SOS2: variants seen among roughly 807,000 people sequenced by gnomAD.
SOS2 encodes SOS Ras/Rho guanine nucleotide exchange factor 2.
In SOS2, 65 loss-of-function variants were observed where a neutral mutation model predicts 148.2. That is an observed-to-expected ratio of 0.44 (90% CI 0.36 to 0.54). SOS2 has a LOEUF of 0.54. Among genes scored for constraint, SOS2 ranks in the 20% least tolerant of loss-of-function variants. The probability of loss-of-function intolerance (pLI) is 0.00; values close to 1 mark genes in which losing one functional copy is unlikely to be tolerated. For missense variants in SOS2, 1,341 were observed against 1,590.2 expected (o/e 0.84, Z 2.67); for synonymous variants, 539 against 537.1 (o/e 1.00, Z -0.05).
At chr14:50,193,174 C>A (rs2139754987) in intron 4 of SOS2, among the ~76,000 whole-genome samples, 1 of 151,942 alleles carries the variant, frequency 6.6e-6, no homozygotes, top group Non-Finnish European at 1.5e-5. Context: ...TTGCTATATT[C>A]CCCAGGGTAT....
chr14:50,150,371 C>T, intron 13 of SOS2, 141 bp from the exon 14 acceptor site: 1 of 637,518 alleles, frequency 1.6e-6, no homozygotes, highest in Admixed American at 2.7e-5. Flanking sequence ...CTACTCATGC[C>T]ATCCCGTCAC....
chr14:50,131,823 AG>A (rs1883883583), intron 19 of SOS2, among the ~76,000 whole-genome samples: 1 of 152,208 alleles, frequency 6.6e-6, no homozygotes, highest in African/African-American at 2.4e-5. Context: ...TGGAAGGTAA[AG>A]CCAATGGCGG....
intron 18 of SOS2, 56 bp from the exon 19 acceptor site, chr14:50,134,295 T>C (rs893527499): frequency 1.3e-5 from 11 of 823,062 alleles, no homozygotes; most frequent in African/African-American, 7.0e-5. Flanking sequence ...TTTTAGATCT[T>C]ATTAAAATAA....
chr14:50,138,494 A>G (rs1594964777), intron 18 of SOS2, 118 bp downstream of exon 18: 1 of 471,312 alleles, frequency 2.1e-6, no homozygotes, highest in African/African-American at 2.0e-5. Flanking sequence ...CAATTAAATT[A>G]TTATGGACTG....
chr14:50,204,035 G>A (rs1222493699), intron 2 of SOS2, among the ~76,000 whole-genome samples: 1 of 151,420 alleles, frequency 6.6e-6, no homozygotes, highest in African/African-American at 2.4e-5. Context: ...TTTTGTCTAC[G>A]GCATGAGATA....
At chr14:50,188,100 T>TACA (rs1885980929) in intron 5 of SOS2, among the ~76,000 whole-genome samples, 1 of 152,164 alleles carries the variant, frequency 6.6e-6, no homozygotes, top group Non-Finnish European at 1.5e-5. Flanking sequence ...ACTCATAAAG[T>TACA]ATTTAAAGTT....
intron 1 of SOS2, among the ~76,000 whole-genome samples, chr14:50,211,644 G>C (rs1040626536): frequency 6.0e-5 from 9 of 150,660 alleles, no homozygotes; most frequent in Non-Finnish European, 8.8e-5. Flanking sequence ...AGATTTTTGA[G>C]ACAGGTTCTC....
intron 8 of SOS2, among the ~76,000 whole-genome samples, chr14:50,168,670 G>A (rs996453086): frequency 6.6e-6 from 1 of 152,002 alleles, no homozygotes; most frequent in Admixed American, 6.6e-5. Context: ...CCATTCTATA[G>A]AATGCCGTTT....
chr14:50,130,040 A>T, intron 20 of SOS2, 38 bp from the exon 21 acceptor site: 3 of 1,281,500 alleles, frequency 2.3e-6, no homozygotes, highest in Non-Finnish European at 3.4e-6. Flanking sequence ...AAAGGAAGGT[A>T]ACATGTAGGT....
intron 4 of SOS2, 123 bp from the exon 5 acceptor site, chr14:50,188,823 G>A (rs1055009943): frequency 1.5e-6 from 1 of 670,200 alleles, no homozygotes; most frequent in Non-Finnish European, 2.4e-6. Flanking sequence ...AGCACTTTGG[G>A]AGGCCAAGGC....
At chr14:50,158,477 T>C in intron 11 of SOS2, 88 bp downstream of exon 11, 1 of 690,908 alleles carries the variant, frequency 1.4e-6, no homozygotes. Context: ...ATAATTAACT[T>C]GAGTATTTAT....
chr14:50,150,955 C>T (rs1323558718), intron 13 of SOS2, among the ~76,000 whole-genome samples: 1 of 152,010 alleles, frequency 6.6e-6, no homozygotes, highest in Non-Finnish European at 1.5e-5. Context: ...GAACTCCTGA[C>T]CTCGTGATCT....
At chr14:50,189,768 T>C (rs1886062772) in intron 4 of SOS2, among the ~76,000 whole-genome samples, 1 of 152,200 alleles carries the variant, frequency 6.6e-6, no homozygotes, top group African/African-American at 2.4e-5. Context: ...TCAGAAATGC[T>C]ACCATGGACT....
chr14:50,174,148 C>T (rs543393761), intron 8 of SOS2, among the ~76,000 whole-genome samples: 48 of 151,290 alleles, frequency 3.2e-4, no homozygotes, highest in African/African-American at 1.1e-3. Context: ...TAGTGGTTGG[C>T]TAGTTAATTA....
intron 1 of SOS2, among the ~76,000 whole-genome samples, chr14:50,208,588 A>G (rs1886754684): frequency 6.6e-6 from 1 of 152,062 alleles, no homozygotes; most frequent in Admixed American, 6.6e-5. Flanking sequence ...CAGAGGTTGC[A>G]GTGAGCTGAG....
At chr14:50,147,763 GTATT>G (rs903171758) in intron 14 of SOS2, among the ~76,000 whole-genome samples, 6 of 151,848 alleles carry the variant, frequency 4.0e-5, no homozygotes, top group Admixed American at 1.3e-4. Flanking sequence ...GAATGCCTGA[GTATT>G]TAATTAAAAT....
chr14:50,160,379 C>CTTTTTTTTTTTTTTT, intron 9 of SOS2, among the ~76,000 whole-genome samples: 1 of 78,928 alleles, frequency 1.3e-5, no homozygotes, highest in Non-Finnish European at 2.4e-5. Flanking sequence ...CAATGCTAAT[C>CTTTTTTTTTTTTTTT]TTTTTTTTTT....
In SOS2 at chr14:50,147,058, C is replaced by G. The variant is rs193300987; in HGVS notation, c.2385-1462G>C. Among the ~76,000 whole-genome samples, 111 of 150,148 alleles carry G rather than the reference C, an allele frequency of 7.4e-4. No homozygotes were observed. In the East Asian group the frequency reaches 9.3e-3, roughly 13 times the overall value. On this transcript the variant is annotated intron_variant, in intron 14 of 22. Transcript: ENST00000216373. ...AAAATAAAACAAAAAAAAAAACAGG[C>G]ACAGTAGTTCCTCCCTGCAGTTCCT...
rs1887200741 is a variant in SOS2, at chr14:50,221,509, G to C, written c.87+9688C>G. On this transcript the variant is annotated intron_variant, in intron 1 of 22. Coordinates refer to ENST00000216373, the MANE Select transcript of SOS2 (RefSeq NM_006939.4). ...TCACTTATCTTGAAATTCTCTATAG[G>C]ATACATGTTGCTCTGAAGTGCAATA... Among the ~76,000 whole-genome samples, 5 of 152,064 alleles carry C rather than the reference G, an allele frequency of 3.3e-5. No individual in the cohort carries two copies. The South Asian group carries it at 8.3e-4, about 25-fold the overall frequency.
Sources: allele counts gnomAD v4.1 joint callset (sites outside exome capture counted in the v4.1 genomes callset), GRCh38; gene constraint gnomAD v4.1.1; transcripts MANE v1.5; gene names NCBI Gene and HGNC (gene_info 2026-07-23, HGNC 2026-07-21).